RAPGEF5: variants seen among roughly 807,000 people sequenced by gnomAD.
RAPGEF5 encodes the protein M-Ras-regulated GEF.
In RAPGEF5, 65 loss-of-function variants were observed where a neutral mutation model predicts 125.2. The observed-to-expected ratio is 0.52, with a 90% CI of 0.43 to 0.64. The LOEUF is 0.64. Ranked by LOEUF, RAPGEF5 falls within the 30% of genes least tolerant of loss-of-function variation. The probability of loss-of-function intolerance (pLI) is 0.00; values close to 1 mark genes in which losing one functional copy is unlikely to be tolerated. For missense variants in RAPGEF5, 958 were observed against 1,048.1 expected, an observed-to-expected ratio of 0.91 and a Z score of 1.19; for synonymous variants, 391 against 385.9, an observed-to-expected ratio of 1.01 and a Z score of -0.16.
intron 13 of RAPGEF5, 68 bp downstream of exon 13, chr7:22,162,329 T>G: frequency 6.8e-7 from 1 of 1,462,798 alleles, no homozygotes; most frequent in Non-Finnish European, 9.4e-7. Flanking sequence ...AATGAGATTT[T>G]TAAAATGCAT....
In RAPGEF5 at chr7:22,316,483, A is replaced by T. The variant is rs1322295436; in HGVS notation, c.283-1007T>A. On this transcript the variant is annotated intron_variant, in intron 2 of 25. Coordinates refer to ENST00000665637, the MANE Select transcript of RAPGEF5 (RefSeq NM_012294.5). ...GACATATATATATATATATATATATATATATATTTTTTTTTTTTTTTTTTT... is the reference window on the plus strand; with the variant it reads ...GACATATATATATATATATATATATTTATATATTTTTTTTTTTTTTTTTTT... 9.8e-3 allele frequency among the ~76,000 whole-genome samples: 296 copies of T among 30,332 alleles called. 4 individuals are homozygous for T. The highest frequency in any genetic ancestry group is 0.053 in the East Asian group (40 of 756). The allele number at this position is 30,332 out of a possible 152,430, so 19.9% of individuals were successfully genotyped here.
At chr7:22,316,657 A>G (rs1783606515) in intron 2 of RAPGEF5, among the ~76,000 whole-genome samples, 1 of 150,918 alleles carries the variant, frequency 6.6e-6, no homozygotes. Flanking sequence ...AGCCCAGCTA[A>G]TATTTGTTTT....
At position 22,316,481 on chromosome 7, in the gene RAPGEF5, ATATATATATTTTTTTTTT is replaced by A. The variant is rs1482306334; in HGVS notation, c.283-1023_283-1006del. Among the ~76,000 whole-genome samples, 155 of 42,610 alleles carry A rather than the reference ATATATATATTTTTTTTTT, an allele frequency of 3.6e-3. 1 individual carries two copies. Among genetic ancestry groups the A allele is most frequent in the East Asian group, 0.023 (34 of 1,486 alleles). The allele number at this position is 42,610 out of a possible 152,430, so 28.0% of individuals were successfully genotyped here. On this transcript the variant is annotated intron_variant, in intron 2 of 25. Coordinates refer to ENST00000665637, the MANE Select transcript of RAPGEF5 (RefSeq NM_012294.5). ...TAGACATATATATATATATATATAT[ATATATATATTTTTTTTTT>A]TTTTTTTTTGAGGCAGGGTCTTGCT... is the stretch of plus-strand genomic sequence containing the variant.
At chr7:22,195,938 C>T (rs1785138659) in intron 9 of RAPGEF5, among the ~76,000 whole-genome samples, 1 of 152,132 alleles carries the variant, frequency 6.6e-6, no homozygotes, top group Admixed American at 6.5e-5. Context: ...TGATATATGG[C>T]ATTATTAACT....
At chr7:22,225,919 G>A (rs543946899) in intron 8 of RAPGEF5, among the ~76,000 whole-genome samples, 26 of 152,232 alleles carry the variant, frequency 1.7e-4, no homozygotes, top group Middle Eastern at 3.4e-3. Flanking sequence ...GAATGTAAAC[G>A]AAAAGCCTGT....
intron 11 of RAPGEF5, among the ~76,000 whole-genome samples, chr7:22,169,884 T>A (rs1484838756): frequency 5.8e-4 from 6 of 10,400 alleles, no homozygotes; most frequent in Non-Finnish European, 1.2e-3. Flanking sequence ...AAAAAAAAGC[T>A]GAATCTTCCC....
At chr7:22,353,237 G>A (rs1784361825) in intron 1 of RAPGEF5, among the ~76,000 whole-genome samples, 1 of 152,330 alleles carries the variant, frequency 6.6e-6, no homozygotes, top group African/African-American at 2.4e-5. Context: ...TGAAAAAAGG[G>A]AGGGGAAGCT....
chr7:22,128,627 AATGCT>A (rs1218065249), intron 24 of RAPGEF5, among the ~76,000 whole-genome samples: 2 of 152,190 alleles, frequency 1.3e-5, no homozygotes, highest in African/African-American at 4.8e-5. Context: ...AGTGTAACAC[AATGCT>A]ATATATGACA....
At chr7:22,233,362 G>T (rs989846103) in intron 7 of RAPGEF5, among the ~76,000 whole-genome samples, 15 of 152,104 alleles carry the variant, frequency 9.9e-5, no homozygotes, top group Non-Finnish European at 8.8e-5. Context: ...TCTTTAAAGT[G>T]CTAATTTCAA....
chr7:22,190,405 T>C (rs759272151), intron 11 of RAPGEF5, among the ~76,000 whole-genome samples: 4 of 152,190 alleles, frequency 2.6e-5, no homozygotes, highest in Non-Finnish European at 4.4e-5. Flanking sequence ...GTATACATAG[T>C]AGGTGTGTGC....
intron 23 of RAPGEF5, among the ~76,000 whole-genome samples, chr7:22,133,128 C>T (rs1196630267): frequency 6.6e-6 from 1 of 152,212 alleles, no homozygotes; most frequent in Non-Finnish European, 1.5e-5. Flanking sequence ...TCTCCTCTTC[C>T]TAGGTAGTCC....
chr7:22,351,743 C>T (rs920000397), intron 1 of RAPGEF5, among the ~76,000 whole-genome samples: 4 of 152,126 alleles, frequency 2.6e-5, no homozygotes, highest in South Asian at 2.1e-4. Context: ...AAAATAGGTG[C>T]CTAAAACGGC....
intron 7 of RAPGEF5, among the ~76,000 whole-genome samples, chr7:22,233,628 G>A (rs1338878157): frequency 6.6e-6 from 1 of 152,200 alleles, no homozygotes; most frequent in East Asian, 1.9e-4. Flanking sequence ...GACTTCTTGG[G>A]CTCAAGCAAT....
chr7:22,311,575 C>T (rs577853386), intron 3 of RAPGEF5, among the ~76,000 whole-genome samples: 31 of 152,204 alleles, frequency 2.0e-4, no homozygotes, highest in African/African-American at 7.2e-4. Flanking sequence ...TCAAACATCC[C>T]AGCTTTTCAT....
intron 9 of RAPGEF5, among the ~76,000 whole-genome samples, chr7:22,208,749 T>C (rs555683554): frequency 3.3e-5 from 5 of 152,302 alleles, no homozygotes; most frequent in Admixed American, 6.5e-5. Flanking sequence ...CTAGTCTGGA[T>C]TGAAGCAATC....
At chr7:22,122,964 T>G (rs995339631) in intron 25 of RAPGEF5, among the ~76,000 whole-genome samples, 6 of 152,162 alleles carry the variant, frequency 3.9e-5, no homozygotes, top group African/African-American at 9.7e-5. Context: ...AAATCGCTGA[T>G]AATGTATTTA....
intron 20 of RAPGEF5, among the ~76,000 whole-genome samples, chr7:22,140,951 T>C (rs1029151564): frequency 2.6e-5 from 4 of 152,312 alleles, no homozygotes; most frequent in Non-Finnish European, 5.9e-5. Context: ...TCGTTTACTA[T>C]GTAAAAATAT....
chr7:22,322,992 A>G (rs1332439074), intron 1 of RAPGEF5, among the ~76,000 whole-genome samples: 1 of 152,188 alleles, frequency 6.6e-6, no homozygotes, highest in East Asian at 1.9e-4. Context: ...AATGAAGAAG[A>G]GGTACTGTCA....
intron 4 of RAPGEF5, among the ~76,000 whole-genome samples, chr7:22,309,331 T>C (rs2128152748): frequency 6.6e-6 from 1 of 152,368 alleles, no homozygotes; most frequent in East Asian, 1.9e-4. Context: ...ACCAGGGGTA[T>C]GCCCTTGATA....
Sources: gnomAD v4.1 joint callset for allele counts (sites outside exome capture counted in the v4.1 genomes callset) on GRCh38, gnomAD v4.1.1 for gene constraint, MANE v1.5 for transcripts, NCBI Gene and HGNC (gene_info 2026-07-23, HGNC 2026-07-21) for gene names.